Variants in SYT7 observed in about 807,000 individuals in gnomAD.
The protein encoded by SYT7 is synaptotagmin 7.
A neutral mutation model predicts 75.1 loss-of-function variants in SYT7; 29 were observed. That is an observed-to-expected ratio of 0.39 (90% CI 0.29 to 0.53). The LOEUF is 0.53. Among genes scored for constraint, SYT7 ranks in the 20% least tolerant of loss-of-function variants. SYT7 has a pLI of 0.77. For missense variants in SYT7, 693 were observed against 953.2 expected, an observed-to-expected ratio of 0.73 and a Z score of 3.59; for synonymous variants, 376 against 401.7, an observed-to-expected ratio of 0.94 and a Z score of 0.76.
upstream of SYT7, among the ~76,000 whole-genome samples, chr11:61,584,431 A>G (rs1218413791): frequency 2.6e-5 from 4 of 151,910 alleles, no homozygotes; most frequent in Non-Finnish European, 4.4e-5. Context: ...TACTTGGAAC[A>G]TATAATTTAT....
chr11:61,573,164 G>T (rs2063970308), intron 1 of SYT7, among the ~76,000 whole-genome samples: 1 of 152,194 alleles, frequency 6.6e-6, no homozygotes, highest in African/African-American at 2.4e-5. Context: ...GAGCTGTGTG[G>T]CCCCTCCTGG....
intron 7 of SYT7, among the ~76,000 whole-genome samples, chr11:61,535,726 C>T (rs77044996): frequency 0.035 from 5,355 of 152,264 alleles, 288 homozygotes; most frequent in African/African-American, 0.12. Context: ...CCTCCCGGGA[C>T]GCTGTCTCCC....
chr11:61,521,466 G>C (rs1271589543), intron 12 of SYT7, among the ~76,000 whole-genome samples: 1 of 152,186 alleles, frequency 6.6e-6, no homozygotes, highest in Non-Finnish European at 1.5e-5. Flanking sequence ...TGGCCAGGGA[G>C]GGCCACATAC....
intron 7 of SYT7, chr11:61,533,743 T>G (rs2062781512): frequency 2.2e-6 from 2 of 890,206 alleles, no homozygotes; most frequent in Non-Finnish European, 2.7e-6. Flanking sequence ...ATGCCACACG[T>G]GTGCACTTGA....
At chr11:61,557,973 G>A (rs2063540359) in intron 1 of SYT7, among the ~76,000 whole-genome samples, 2 of 152,258 alleles carry the variant, frequency 1.3e-5, no homozygotes, top group African/African-American at 4.8e-5. Context: ...GAAGGGATGG[G>A]CAAAGGCGCT....
At chr11:61,560,423 A>G (rs1363304732) in intron 1 of SYT7, among the ~76,000 whole-genome samples, 1 of 152,062 alleles carries the variant, frequency 6.6e-6, no homozygotes, top group Non-Finnish European at 1.5e-5. Flanking sequence ...TTGTGTTGCT[A>G]AGGAAAGTTG....
upstream of SYT7, chr11:61,581,201 C>T (rs957541525): frequency 6.8e-6 from 1 of 147,058 alleles, no homozygotes; most frequent in Admixed American, 6.8e-5. Context: ...ACAGCCACCG[C>T]CTGCGCCCGC....
intron 1 of SYT7, among the ~76,000 whole-genome samples, chr11:61,567,424 C>T (rs1016217079): frequency 1.3e-5 from 2 of 151,710 alleles, no homozygotes; most frequent in African/African-American, 2.4e-5. Context: ...GAACTCAGTC[C>T]TGGGGCTGCG....
Position 61,514,933 on chromosome 11 carries a change from C to T in SYT7, c.*3694G>A, listed in dbSNP as rs1167425233. 6.6e-6 allele frequency among the ~76,000 whole-genome samples: 1 copy of T among 152,158 alleles called. No individual in the cohort carries two copies. The highest frequency in any genetic ancestry group is 1.9e-4 in the East Asian group (1 of 5,198). ...ATGGTGGTGGGAAAGCTGGAGCGTC[C>T]CCCTTTGGTTTGTCTGAGCTGCCTT... On this transcript the variant is annotated 3_prime_UTR_variant, in exon 13 of 13. Coordinates refer to ENST00000539008, the MANE Select transcript of SYT7 (RefSeq NM_001365809.2).
intron 1 of SYT7, among the ~76,000 whole-genome samples, chr11:61,573,773 C>T (rs978001366): frequency 6.6e-6 from 1 of 152,178 alleles, no homozygotes; most frequent in African/African-American, 2.4e-5. Context: ...ACTGCATGTG[C>T]TGTCCCCACC....
At position 61,524,090 on chromosome 11, in the gene SYT7, G is replaced by A. The variant is rs1224352716; in HGVS notation, c.1642-149C>T. 1 of 797,790 alleles carries A rather than the reference G, an allele frequency of 1.3e-6. No individual in the cohort carries two copies. Among genetic ancestry groups the A allele is most frequent in the African/African-American group, 1.7e-5 (1 of 58,206 alleles). 49.4% of individuals were successfully genotyped at this position (797,790 alleles called of 1,614,324 possible). A position where few individuals can be genotyped will look rare whatever the true frequency, so the allele number is the denominator to read the frequency against. ...TGTCTCACTCTGTCTCCCCCCATCT[G>A]GCAGGTGTGTGTACTGCCCCTCCCA... On this transcript the variant is annotated intron_variant, in intron 10 of 12. Transcript: ENST00000539008. This position sits in a 1 kb window ranked among gnomAD's most constrained non-coding sequence, Gnocchi z 4.1.
intron 1 of SYT7, among the ~76,000 whole-genome samples, chr11:61,571,318 T>C (rs549920957): frequency 2.9e-4 from 44 of 152,366 alleles, no homozygotes; most frequent in Admixed American, 1.0e-3. Context: ...CCCACTCCTG[T>C]GCCTCCACCC....
chr11:61,530,519 G>A (rs1259850088), intron 8 of SYT7, among the ~76,000 whole-genome samples: 4 of 152,156 alleles, frequency 2.6e-5, no homozygotes, highest in Admixed American at 6.5e-5. Flanking sequence ...AGCTAGAAGG[G>A]GTTCCTTCTA....
At chr11:61,555,786 T>TGC (rs1297531700) in intron 2 of SYT7, among the ~76,000 whole-genome samples, 2 of 151,952 alleles carry the variant, frequency 1.3e-5, no homozygotes, top group Non-Finnish European at 2.9e-5. Context: ...TGTGTGTGTG[T>TGC]GCGCGTGTGT....
chr11:61,520,019 T>C (rs192854327), intron 12 of SYT7, among the ~76,000 whole-genome samples: 1 of 151,188 alleles, frequency 6.6e-6, no homozygotes, highest in South Asian at 2.1e-4. Flanking sequence ...TGGGTTTCAC[T>C]ATGTTGGGCA....
Position 61,518,531 on chromosome 11 carries a change from C to T in SYT7, c.*96G>A. On this transcript the variant is annotated 3_prime_UTR_variant, in exon 13 of 13. Coordinates refer to ENST00000539008, the MANE Select transcript of SYT7 (RefSeq NM_001365809.2). Reference sequence around the variant, plus strand: ...CTGAGCCCTCAGGGTCCTCCCCTCCCTATGGCAGGGGGCTCAGGCCGGGCG... The same window carrying T: ...CTGAGCCCTCAGGGTCCTCCCCTCCTTATGGCAGGGGGCTCAGGCCGGGCG... 1 of 883,058 alleles carries T rather than the reference C, an allele frequency of 1.1e-6. No individual in the cohort carries two copies. The highest frequency in any genetic ancestry group is 1.7e-6 in the Non-Finnish European group (1 of 605,446). The allele number at this position is 883,058 out of a possible 1,614,324, so 54.7% of individuals were successfully genotyped here.
rs117227367 is a variant in SYT7 at position 61,570,524 on chromosome 11, G to A, written c.31+10266C>T. Among the ~76,000 whole-genome samples, 1,240 of 152,268 alleles carry A rather than the reference G, an allele frequency of 8.1e-3. 14 individuals are homozygous for A. Among genetic ancestry groups the A allele is most frequent in the Non-Finnish European group, 0.014 (927 of 68,022 alleles). On this transcript the variant is annotated intron_variant, in intron 1 of 12. Coordinates refer to ENST00000539008, the MANE Select transcript of SYT7 (RefSeq NM_001365809.2). ...TGTGTCACTATTATTCCATTATAGG[G>A]AAAAAACTGAGACTCAGGAGGGTTG...
At chr11:61,528,697 A>G (rs1359131351) in intron 8 of SYT7, among the ~76,000 whole-genome samples, 1 of 152,156 alleles carries the variant, frequency 6.6e-6, no homozygotes, top group Admixed American at 6.5e-5. Flanking sequence ...GGTGCGGAGA[A>G]TGGTGTGATT....
At chr11:61,539,071 C>A (rs2062965962) in intron 6 of SYT7, among the ~76,000 whole-genome samples, 1 of 152,208 alleles carries the variant, frequency 6.6e-6, no homozygotes, top group Non-Finnish European at 1.5e-5. Context: ...AGGTCAAGGG[C>A]CTTTCATTGG....
Sources: allele counts gnomAD v4.1 joint callset (sites outside exome capture counted in the v4.1 genomes callset), GRCh38; gene constraint gnomAD v4.1.1; non-coding constraint Gnocchi (gnomAD v3.1); transcripts MANE v1.5; gene names NCBI Gene and HGNC (gene_info 2026-07-23, HGNC 2026-07-21).